The following NEBL variants were observed in gnomAD, a reference collection of about 807,000 sequenced individuals.
NEBL encodes LIM and SH3 protein 2.
In NEBL, 122 loss-of-function variants were observed where a neutral mutation model predicts 140.2. The observed-to-expected ratio is 0.87, with a 90% confidence interval of 0.75 to 1.01. The LOEUF is 1.01. Among genes scored for constraint, NEBL ranks in the 50% least tolerant of loss-of-function variants. The probability of loss-of-function intolerance (pLI) is 0.00; values close to 1 mark genes in which losing one functional copy is unlikely to be tolerated. For missense variants in NEBL, 1,365 were observed against 1,231.3 expected (o/e 1.11, Z -1.62); for synonymous variants, 436 against 398.9 (o/e 1.09, Z -1.11).
chr10:21,036,374 A>G (rs117756100), intron 2 of NEBL, among the ~76,000 whole-genome samples: 2,627 of 151,994 alleles, frequency 0.017, 77 homozygotes, highest in East Asian at 0.1. Context: ...GGGTCATTTG[A>G]TCCTGGGAGG....
chr10:20,797,406 C>T (rs964954118), intron 26 of NEBL, among the ~76,000 whole-genome samples: 2 of 152,064 alleles, frequency 1.3e-5, no homozygotes, highest in Admixed American at 6.6e-5. Flanking sequence ...AGTTCTGATA[C>T]GTAGTTTTAC....
intron 2 of NEBL, among the ~76,000 whole-genome samples, chr10:21,142,586 T>C (rs938848350): frequency 3.3e-5 from 5 of 152,198 alleles, no homozygotes; most frequent in African/African-American, 4.8e-5. Context: ...CTTTTCTCTA[T>C]TTAAAATCAT....
chr10:21,202,819 A>G (rs774473599), intron 3 of NEBL, among the ~76,000 whole-genome samples: 2 of 152,188 alleles, frequency 1.3e-5, no homozygotes, highest in Non-Finnish European at 1.5e-5. Context: ...AATGGAGACT[A>G]ATTTTGCTTT....
intron 3 of NEBL, among the ~76,000 whole-genome samples, chr10:21,003,414 C>T (rs1032692437): frequency 6.6e-6 from 1 of 152,206 alleles, no homozygotes; most frequent in African/African-American, 2.4e-5. Flanking sequence ...GCCCCACAAT[C>T]TCTCCTTTAA....
intron 3 of NEBL, among the ~76,000 whole-genome samples, chr10:21,197,430 T>G (rs1841669638): frequency 6.6e-6 from 1 of 152,190 alleles, no homozygotes; most frequent in South Asian, 2.1e-4. Context: ...TTGATCCATG[T>G]TTGTATATTG....
intron 26 of NEBL, 37 bp downstream of exon 26, chr10:20,808,472 TG>T (rs1468766618): frequency 1.2e-6 from 2 of 1,607,324 alleles, no homozygotes; most frequent in East Asian, 4.5e-5. Context: ...ACTTAAAAAA[TG>T]AATCGATTTT....
intron 3 of NEBL, among the ~76,000 whole-genome samples, chr10:21,199,773 C>T (rs1251871548): frequency 6.6e-6 from 1 of 152,198 alleles, no homozygotes; most frequent in Admixed American, 6.5e-5. Flanking sequence ...TCTACCCTCC[C>T]CAAGATGAGG....
chr10:21,070,168 G>A (rs374971466), intron 2 of NEBL, among the ~76,000 whole-genome samples: 3 of 152,296 alleles, frequency 2.0e-5, no homozygotes, highest in South Asian at 2.1e-4. Context: ...GGACACTGGG[G>A]CTAAATACCC....
Position 20,780,871 on chromosome 10 carries a change from A to C in NEBL, c.*4876T>G, listed in dbSNP as rs999186614. On this transcript the variant is annotated 3_prime_UTR_variant, in exon 28 of 28. Coordinates refer to ENST00000377122, the MANE Select transcript of NEBL (RefSeq NM_006393.3). ...GCCGTCATTTAAGTAGTTTCAATAG[A>C]TAAATCGGTGATTTGCTTTTAAACA... The C allele has an allele frequency of 6.6e-6, 1 of 152,226 alleles. No individual in the cohort carries two copies. The highest frequency in any genetic ancestry group is 2.4e-5 in the African/African-American group (1 of 41,462). The allele number at this position is 152,226 out of a possible 1,614,324, so 9.4% of individuals were successfully genotyped here.
At chr10:21,016,447 G>A (rs905845079) in intron 3 of NEBL, among the ~76,000 whole-genome samples, 2 of 152,072 alleles carry the variant, frequency 1.3e-5, no homozygotes, top group Admixed American at 1.3e-4. Flanking sequence ...AGAGAGGGGG[G>A]GAAATAAAAA....
In NEBL at chr10:20,956,249, C is replaced by T. The variant is rs536769784; in HGVS notation, c.357+5423G>A. Among the ~76,000 whole-genome samples the T allele has an allele frequency of 4.6e-5, 7 of 152,230 alleles. No homozygotes were observed. In the South Asian group the frequency reaches 6.2e-4, roughly 14 times the overall value. On this transcript the variant is annotated intron_variant, in intron 4 of 6. Transcript: ENST00000417816. Reference sequence around the variant, plus strand: ...GTAATCCTTATAGAAATACTTTTCCCGAGGAGCGGTTGTTCAGAGGATCTA... The same window carrying T: ...GTAATCCTTATAGAAATACTTTTCCTGAGGAGCGGTTGTTCAGAGGATCTA...
intron 4 of NEBL, among the ~76,000 whole-genome samples, chr10:20,956,782 G>A (rs1416381745): frequency 1.3e-5 from 2 of 151,690 alleles, no homozygotes; most frequent in African/African-American, 4.8e-5. Context: ...AAAAAAAAAA[G>A]TTTGCTAAAT....
chr10:21,038,788 C>G (rs1368786860), intron 2 of NEBL, among the ~76,000 whole-genome samples: 1 of 152,312 alleles, frequency 6.6e-6, no homozygotes, highest in African/African-American at 2.4e-5. Flanking sequence ...AATCACCACA[C>G]TGCCTTCTAC....
intron 4 of NEBL, among the ~76,000 whole-genome samples, chr10:20,937,035 T>C (rs1465364489): frequency 1.3e-5 from 2 of 152,230 alleles, no homozygotes; most frequent in African/African-American, 2.4e-5. Flanking sequence ...GCTTTCGATG[T>C]GTGATCTGGA....
intron 3 of NEBL, among the ~76,000 whole-genome samples, chr10:21,002,541 G>A (rs1262159716): frequency 6.6e-6 from 1 of 152,296 alleles, no homozygotes; most frequent in East Asian, 1.9e-4. Context: ...AAAGAACTGA[G>A]ACGGGGTAAT....
chr10:21,181,595 C>T (rs796780828), intron 3 of NEBL, among the ~76,000 whole-genome samples: 4 of 152,188 alleles, frequency 2.6e-5, no homozygotes, highest in Admixed American at 6.5e-5. Flanking sequence ...TTCAGCTGAG[C>T]GGCCTGCATT....
intron 10 of NEBL, 55 bp downstream of exon 10, chr10:20,852,490 G>A: frequency 8.2e-7 from 1 of 1,224,084 alleles, no homozygotes; most frequent in East Asian, 2.3e-5. Flanking sequence ...GCGGGCCTCA[G>A]GATGGTTACG....
At chr10:21,234,974 A>G (rs1222650348) in intron 3 of NEBL, among the ~76,000 whole-genome samples, 1 of 152,196 alleles carries the variant, frequency 6.6e-6, no homozygotes, top group East Asian at 1.9e-4. Flanking sequence ...TAAGAAGATT[A>G]TAGAACAAGA....
intron 2 of NEBL, among the ~76,000 whole-genome samples, chr10:21,153,708 G>A (rs948102811): frequency 2.0e-5 from 3 of 151,974 alleles, no homozygotes; most frequent in Admixed American, 6.6e-5. Flanking sequence ...TACAGACGGG[G>A]TTTCACCATG....
Sources: allele counts gnomAD v4.1 joint callset (sites outside exome capture counted in the v4.1 genomes callset), GRCh38; gene constraint gnomAD v4.1.1; transcripts MANE v1.5; gene names NCBI Gene and HGNC (gene_info 2026-07-23, HGNC 2026-07-21).